The following IP6K2 variants were observed in gnomAD, a reference collection of about 807,000 sequenced individuals.
IP6K2 encodes the protein ATP:1D-myo-inositol-hexakisphosphate phosphotransferase.
In IP6K2, 9 loss-of-function variants were observed where a neutral mutation model predicts 43.3. That is an observed-to-expected ratio of 0.21 (90% confidence interval 0.13 to 0.36). IP6K2 has a LOEUF of 0.36. Ranked by LOEUF, IP6K2 falls within the 10% of genes least tolerant of loss-of-function variation. The pLI, the probability that IP6K2 is intolerant of heterozygous loss-of-function variation, is 1.00. For synonymous variants in IP6K2, 209 were observed against 202.4 expected, an observed-to-expected ratio of 1.03 and a Z score of -0.28; for missense variants, 332 against 538.4, an observed-to-expected ratio of 0.62 and a Z score of 3.79.
intron 1 of IP6K2, among the ~76,000 whole-genome samples, chr3:48,704,786 T>C (rs193018382): frequency 1.9e-3 from 274 of 146,358 alleles, no homozygotes; most frequent in African/African-American, 6.4e-3. Context: ...TATGATACAC[T>C]TTTTTTTTTT....
chr3:48,708,788 T>C (rs1228671143), intron 1 of IP6K2, among the ~76,000 whole-genome samples: 3 of 152,148 alleles, frequency 2.0e-5, no homozygotes, highest in East Asian at 1.9e-4. Context: ...AATGGTTCCA[T>C]AGGGCCCGTG....
At chr3:48,703,670 T>C (rs1260586936) in intron 1 of IP6K2, among the ~76,000 whole-genome samples, 1 of 151,868 alleles carries the variant, frequency 6.6e-6, no homozygotes, top group Non-Finnish European at 1.5e-5. Context: ...TGAGCCAAGA[T>C]TGCACCACTG....
At chr3:48,711,770 T>TC (rs2080544265) in intron 1 of IP6K2, among the ~76,000 whole-genome samples, 1 of 152,206 alleles carries the variant, frequency 6.6e-6, no homozygotes, top group Admixed American at 6.5e-5. Context: ...GTCAGGTTGT[T>TC]CAAGCTCATA....
At chr3:48,694,415 C>G in intron 2 of IP6K2, 1 of 1,546,700 alleles carries the variant, frequency 6.5e-7, no homozygotes, top group Non-Finnish European at 8.7e-7. Flanking sequence ...TTTATGTAAC[C>G]AGGTAATGCA....
chr3:48,712,222 C>A (rs1331532556), intron 1 of IP6K2, among the ~76,000 whole-genome samples: 1 of 151,546 alleles, frequency 6.6e-6, no homozygotes, highest in African/African-American at 2.4e-5. Flanking sequence ...AAAGCGAGAC[C>A]CTGTCTCTAC....
intron 1 of IP6K2, among the ~76,000 whole-genome samples, chr3:48,701,235 C>T (rs914063465): frequency 2.0e-5 from 3 of 151,838 alleles, no homozygotes; most frequent in Non-Finnish European, 2.9e-5. Flanking sequence ...CAGGCCACTG[C>T]GCCTGGCCCA....
chr3:48,695,533 T>A lies in IP6K2; in HGVS notation c.-130-112A>T, dbSNP rs371480119. ...GACAAAGACAAACAGTCTGAGTTCT[T>A]GCGGGACTCCGCCCATGCCACCCAC... is the stretch of plus-strand genomic sequence containing the variant. On this transcript the variant is annotated intron_variant, in intron 1 of 5. Transcript: ENST00000328631. This position sits in a 1 kb window ranked among gnomAD's most constrained non-coding sequence, Gnocchi z 4.6. 7.9e-7 allele frequency: 1 copy of A among 1,269,706 alleles called. No individual in the cohort carries two copies. The highest frequency in any genetic ancestry group is 1.0e-6 in the Non-Finnish European group (1 of 1,003,884). The allele number at this position is 1,269,706 out of a possible 1,614,324, so 78.7% of individuals were successfully genotyped here. A position where few individuals can be genotyped will look rare whatever the true frequency, so the allele number is the denominator to read the frequency against.
chr3:48,691,552 A>C, intron 3 of IP6K2, 70 bp from the exon 4 acceptor site: 1 of 1,190,554 alleles, frequency 8.4e-7, no homozygotes, highest in Non-Finnish European at 1.2e-6. Flanking sequence ...ATGGTGGCTC[A>C]TGCCTGTAAT....
At chr3:48,712,265 CAG>C (rs1287960646) in intron 1 of IP6K2, among the ~76,000 whole-genome samples, 4 of 141,410 alleles carry the variant, frequency 2.8e-5, no homozygotes, top group African/African-American at 5.3e-5. Flanking sequence ...TTTTTTGAGA[CAG>C]AGTCTTGCTC....
intron 1 of IP6K2, chr3:48,699,920 G>T (rs2078843221): frequency 6.6e-6 from 1 of 152,128 alleles, no homozygotes; most frequent in African/African-American, 2.4e-5. Flanking sequence ...TGGGTACAGT[G>T]GCTCACTCCT....
In IP6K2 at chr3:48,688,538, T is replaced by C. The variant is rs1366040603; in HGVS notation, c.1016A>G (p.Glu339Gly). 2 of 1,614,222 alleles carry C rather than the reference T, an allele frequency of 1.2e-6. No homozygotes were observed. The highest frequency in any genetic ancestry group is 1.7e-6 in the Non-Finnish European group (2 of 1,180,036). ...TGAGTCCAGGACCACTTCGGGCCGC[T>C]CCTTGCCATCATAAATGACCAGCAG... The part of the protein sequence containing the change: ...SSLLVIYDGK[E>G]RPEVVLDSDA... The change falls in exon 6 of 6, where the codon GAG (glutamate) becomes GGG (glycine). Residue 339 changes from glutamate to glycine, a missense_variant. Coordinates refer to ENST00000328631, the MANE Select transcript of IP6K2 (RefSeq NM_016291.4). The surrounding 1 kb of genome is among the most constrained non-coding windows in gnomAD (Gnocchi z 5.1).
intron 1 of IP6K2, among the ~76,000 whole-genome samples, chr3:48,697,043 TG>T (rs1284510679): frequency 1.3e-5 from 2 of 149,746 alleles, no homozygotes; most frequent in African/African-American, 4.9e-5. Flanking sequence ...TTTTTGGAGA[TG>T]GAGTCTCGCT....
chr3:48,688,766 T>C lies in IP6K2; in HGVS notation c.788A>G (p.Gln263Arg), dbSNP rs2077528021. 1.2e-6 allele frequency: 2 copies of C among 1,608,406 alleles called. No homozygotes were observed. Among genetic ancestry groups the C allele is most frequent in the Non-Finnish European group, 1.7e-6 (2 of 1,176,808 alleles). The change falls in exon 6 of 6, where the codon CAA becomes CGA. Residue 263 changes from glutamine (Q) to arginine (R), a missense_variant. Physicochemically the swap from Gln to Arg is conservative, Grantham distance 43 (BLOSUM62 1). Coordinates refer to ENST00000328631, the MANE Select transcript of IP6K2 (RefSeq NM_016291.4). This position sits in a 1 kb window ranked among gnomAD's most constrained non-coding sequence, Gnocchi z 5.1. ...GVRVCGMQVY[Q>R]AGSGQLMFMN... ...GAACATGAGCTGCCCACTGCCTGCTTGGTACACCTGTAGGAGAGAGACCAG... is the reference window on the plus strand; with the variant it reads ...GAACATGAGCTGCCCACTGCCTGCTCGGTACACCTGTAGGAGAGAGACCAG...
chr3:48,694,593 G>A, intron 2 of IP6K2: 1 of 1,522,618 alleles, frequency 6.6e-7, no homozygotes, highest in Non-Finnish European at 8.8e-7. Flanking sequence ...CTTTCATATA[G>A]CAATTTTGGG....
rs765120034 is a variant in IP6K2, at chr3:48,693,012, T to A, written c.370A>T (p.Thr124Ser). The part of the protein sequence containing the change: ...TTNKKHHVLE[T>S]EKTPKDWVRQ... ...ACCCAGTCCTTAGGGGTCTTTTCTG[T>A]TTCTAAGACATGATGTTTTTTGTTT... Residue 124 changes from threonine (T) to serine (S), a missense_variant, in exon 3 of 6, where the codon ACA becomes TCA. By Grantham distance (58) the Thr-to-Ser change is moderately conservative. Coordinates refer to ENST00000328631, the MANE Select transcript of IP6K2 (RefSeq NM_016291.4). The A allele has an allele frequency of 2.5e-6, 4 of 1,614,258 alleles. No individual in the cohort carries two copies. In the South Asian group the frequency reaches 4.4e-5, roughly 18 times the overall value.
At chr3:48,703,264 G>T (rs2079271780) in intron 1 of IP6K2, among the ~76,000 whole-genome samples, 1 of 152,120 alleles carries the variant, frequency 6.6e-6, no homozygotes, top group Non-Finnish European at 1.5e-5. Flanking sequence ...AGTTAATGAA[G>T]AATAAACTTT....
chr3:48,693,905 A>G (rs2078015564), intron 2 of IP6K2: 2 of 1,277,124 alleles, frequency 1.6e-6, no homozygotes. Flanking sequence ...TTAAGTCTCT[A>G]GAACCTGCCA....
At chr3:48,697,568 T>TA (rs549910352) in intron 1 of IP6K2, among the ~76,000 whole-genome samples, 137 of 142,490 alleles carry the variant, frequency 9.6e-4, no homozygotes, top group African/African-American at 3.4e-3. Context: ...CTTGAACTCC[T>TA]AACCTCAGGT....
chr3:48,694,973 G>C, intron 2 of IP6K2, 117 bp downstream of exon 2: 3 of 1,597,832 alleles, frequency 1.9e-6, no homozygotes, highest in Non-Finnish European at 2.6e-6. Context: ...GAGAGGGAGG[G>C]AAAGCACAGA....
Sources: gnomAD v4.1 joint callset for allele counts (sites outside exome capture counted in the v4.1 genomes callset) on GRCh38, gnomAD v4.1.1 for gene constraint, Gnocchi (gnomAD v3.1) non-coding constraint, MANE v1.5 for transcripts, NCBI Gene and HGNC (gene_info 2026-07-23, HGNC 2026-07-21) for gene names.